The following C8orf34 variants were observed in gnomAD, a reference collection of about 807,000 sequenced individuals.
C8orf34 encodes uncharacterized protein C8orf34.
Under a neutral mutation model 68.3 loss-of-function variants are expected in C8orf34, and 65 were observed. The ratio of observed to expected loss-of-function variants is 0.95; its 90% CI spans 0.78 to 1.17. The LOEUF is 1.17. Among genes scored for constraint, C8orf34 ranks in the 50% most tolerant of loss-of-function variants. The pLI, the probability that C8orf34 is intolerant of heterozygous loss-of-function variation, is 0.00. For synonymous variants in C8orf34, 244 were observed against 241.2 expected, an observed-to-expected ratio of 1.01 and a Z score of -0.11; for missense variants, 664 against 655.4, an observed-to-expected ratio of 1.01 and a Z score of -0.14.
chr8:68,569,582 C>T (rs1816702446), intron 7 of C8orf34, among the ~76,000 whole-genome samples: 4 of 152,216 alleles, frequency 2.6e-5, no homozygotes. Flanking sequence ...ACCTCCCAGC[C>T]TAAACATGAC....
intron 1 of C8orf34, among the ~76,000 whole-genome samples, chr8:68,421,960 TGA>T (rs1489817345): frequency 1.3e-5 from 2 of 152,156 alleles, no homozygotes; most frequent in Non-Finnish European, 2.9e-5. Context: ...TCAGATCTTT[TGA>T]GACTCATTCA....
chr8:68,714,646 C>T (rs919706185), intron 9 of C8orf34, among the ~76,000 whole-genome samples: 8 of 152,174 alleles, frequency 5.3e-5, no homozygotes, highest in African/African-American at 1.9e-4. Flanking sequence ...AATGGAAACA[C>T]TTTCCATATT....
intron 8 of C8orf34, among the ~76,000 whole-genome samples, chr8:68,640,994 C>G (rs1376948654): frequency 6.6e-6 from 1 of 152,196 alleles, no homozygotes; most frequent in Non-Finnish European, 1.5e-5. Context: ...TTTGCATATA[C>G]TGTATGTGGC....
intron 7 of C8orf34, among the ~76,000 whole-genome samples, chr8:68,626,664 A>G (rs983129570): frequency 3.3e-5 from 5 of 152,222 alleles, no homozygotes; most frequent in Non-Finnish European, 2.9e-5. Context: ...GCCAAAATGC[A>G]TGAGCAGTCA....
At chr8:68,533,329 C>T in intron 7 of C8orf34, 180 bp downstream of exon 7, 1 of 1,355,438 alleles carries the variant, frequency 7.4e-7, no homozygotes, top group Admixed American at 3.4e-5. Context: ...AATTGAAATA[C>T]CCTAAGCATA....
chr8:68,619,359 G>A (rs1406846766), intron 7 of C8orf34, among the ~76,000 whole-genome samples: 2 of 151,998 alleles, frequency 1.3e-5, no homozygotes, highest in Non-Finnish European at 2.9e-5. Flanking sequence ...TAAAGGAGAG[G>A]TTGAATTTTT....
intron 1 of C8orf34, among the ~76,000 whole-genome samples, chr8:68,338,456 C>T (rs1043947697): frequency 2.0e-5 from 3 of 152,164 alleles, no homozygotes; most frequent in African/African-American, 7.2e-5. Flanking sequence ...GTTTGTAACT[C>T]CTCTTCTCCT....
chr8:68,579,686 C>T (rs988998410), intron 7 of C8orf34, among the ~76,000 whole-genome samples: 1 of 152,178 alleles, frequency 6.6e-6, no homozygotes, highest in African/African-American at 2.4e-5. Context: ...ACTTTCATCC[C>T]ATCACCATTT....
intron 1 of C8orf34, among the ~76,000 whole-genome samples, chr8:68,365,008 T>C (rs1298010919): frequency 4.7e-5 from 7 of 150,244 alleles, no homozygotes; most frequent in South Asian, 2.1e-4. Flanking sequence ...GCAAGATTAA[T>C]AAAGAAAAAA....
intron 1 of C8orf34, among the ~76,000 whole-genome samples, chr8:68,419,441 C>G (rs1160693314): frequency 2.7e-5 from 4 of 150,644 alleles, no homozygotes; most frequent in Non-Finnish European, 5.9e-5. Flanking sequence ...GGATCTAGAA[C>G]TAGAAATACC....
chr8:68,491,843 A>G (rs528139999), intron 5 of C8orf34, among the ~76,000 whole-genome samples: 3 of 152,298 alleles, frequency 2.0e-5, no homozygotes, highest in Admixed American at 6.5e-5. Flanking sequence ...TCCAAGTTCA[A>G]ATGGTAGTAC....
At chr8:68,330,674 T>A (rs1355763088), upstream of C8orf34, 1 of 258,884 alleles carries the variant, frequency 3.9e-6, no homozygotes, top group Non-Finnish European at 7.2e-6. Flanking sequence ...CCTTCACCAT[T>A]GGCTTTTTAA....
chr8:68,701,408 T>C (rs1821012261), intron 8 of C8orf34, among the ~76,000 whole-genome samples: 1 of 152,146 alleles, frequency 6.6e-6, no homozygotes, highest in African/African-American at 2.4e-5. Context: ...AAACTTACCA[T>C]ATCCCAAACA....
At chr8:68,799,396 C>G (rs185360406) in intron 12 of C8orf34, among the ~76,000 whole-genome samples, 1 of 152,104 alleles carries the variant, frequency 6.6e-6, no homozygotes, top group East Asian at 1.9e-4. Flanking sequence ...GCAAGCAAAG[C>G]CTATTGTTTT....
intron 1 of C8orf34, among the ~76,000 whole-genome samples, chr8:68,406,868 A>C (rs2129621725): frequency 6.6e-6 from 1 of 152,246 alleles, no homozygotes; most frequent in South Asian, 2.1e-4. Context: ...TGCTATCTTG[A>C]GTAAACTGAA....
At chr8:68,666,783 A>C (rs755398472) in intron 8 of C8orf34, among the ~76,000 whole-genome samples, 6 of 152,190 alleles carry the variant, frequency 3.9e-5, no homozygotes, top group Non-Finnish European at 7.3e-5. Context: ...AGAAAAAATG[A>C]ATTGATTTTT....
At chr8:68,665,365 A>G (rs1435483552) in intron 8 of C8orf34, among the ~76,000 whole-genome samples, 1 of 152,156 alleles carries the variant, frequency 6.6e-6, no homozygotes, top group Non-Finnish European at 1.5e-5. Context: ...TACGTTACCT[A>G]AAGGAATTCA....
chr8:68,678,705 C>T (rs1294420106), intron 8 of C8orf34, among the ~76,000 whole-genome samples: 1 of 152,006 alleles, frequency 6.6e-6, no homozygotes. Flanking sequence ...CCCAGTTTCA[C>T]CACTGTTATT....
At chr8:68,330,827 C>A (rs537429299), upstream of C8orf34, 10 of 518,530 alleles carry the variant, frequency 1.9e-5, no homozygotes, top group Admixed American at 2.1e-4. Context: ...GCACACACAC[C>A]GGTGGCGAGT....
Sources: gnomAD v4.1 joint callset for allele counts (sites outside exome capture counted in the v4.1 genomes callset) on GRCh38, gnomAD v4.1.1 for gene constraint, MANE v1.5 for transcripts, NCBI Gene and HGNC (gene_info 2026-07-23, HGNC 2026-07-21) for gene names.